The following ANK2 variants were observed in gnomAD, a reference collection of about 807,000 sequenced individuals.
ANK2 encodes ankyrin-2.
Under a neutral mutation model 360.5 loss-of-function variants are expected in ANK2, and 83 were observed. That is an observed-to-expected ratio of 0.23 (90% CI 0.19 to 0.28). The LOEUF is 0.28. ANK2 is among the 10% of genes least tolerant of loss of function. The pLI, the probability that ANK2 is intolerant of heterozygous loss-of-function variation, is 1.00. For missense variants in ANK2, 4,201 were observed against 4,795.7 expected, an observed-to-expected ratio of 0.88 and a Z score of 3.66; for synonymous variants, 1,740 against 1,759.5, an observed-to-expected ratio of 0.99 and a Z score of 0.28.
rs1159230273 is a variant in ANK2, at chr4:113,155,828, A to G, written c.85-18588A>G. ...AAAGTGTGAATAGACAAATCAAAGA[A>G]CAAATGTGGTAGACAATAAATATAT... is the stretch of plus-strand genomic sequence containing the variant. On this transcript the variant is annotated intron_variant, in intron 1 of 45. Transcript: ENST00000357077. Among the ~76,000 whole-genome samples the G allele has an allele frequency of 2.0e-5, 3 of 152,216 alleles. No individual in the cohort carries two copies. In the South Asian group the frequency reaches 6.2e-4, roughly 31 times the overall value.
intron 1 of ANK2, among the ~76,000 whole-genome samples, chr4:113,128,702 G>A (rs953867858): frequency 6.6e-6 from 1 of 152,128 alleles, no homozygotes; most frequent in Non-Finnish European, 1.5e-5. Flanking sequence ...TATTGGCCAG[G>A]CTGGTCTGGA....
intron 1 of ANK2, among the ~76,000 whole-genome samples, chr4:112,863,326 T>C (rs7657978): frequency 0.2 from 29,864 of 151,924 alleles, 3,033 homozygotes; most frequent in Non-Finnish European, 0.22. Flanking sequence ...TTTATTTATC[T>C]TTCAAACATT....
intron 4 of ANK2, among the ~76,000 whole-genome samples, chr4:113,212,423 T>C (rs1462453588): frequency 2.0e-5 from 3 of 152,228 alleles, no homozygotes; most frequent in Non-Finnish European, 4.4e-5. Context: ...CTATGTGTAA[T>C]AATTGGAATC....
At chr4:113,243,722 A>T (rs1158044741) in intron 9 of ANK2, among the ~76,000 whole-genome samples, 1 of 152,186 alleles carries the variant, frequency 6.6e-6, no homozygotes, top group African/African-American at 2.4e-5. Flanking sequence ...TAAAGGAATG[A>T]GTTTTGCACA....
chr4:112,992,148 C>CT (rs767245844), intron 2 of ANK2, among the ~76,000 whole-genome samples: 9,593 of 143,796 alleles, frequency 0.067, 524 homozygotes, highest in African/African-American at 0.15. Flanking sequence ...TCTACTTCTA[C>CT]TTTTTTTTTT....
intron 1 of ANK2, among the ~76,000 whole-genome samples, chr4:112,843,050 T>C (rs544239523): frequency 1.3e-5 from 2 of 152,318 alleles, no homozygotes; most frequent in African/African-American, 4.8e-5. Flanking sequence ...TCTTTGACTC[T>C]CTTTCCTTTC....
At chr4:112,977,153 G>C (rs2041702058) in intron 2 of ANK2, among the ~76,000 whole-genome samples, 2 of 152,216 alleles carry the variant, frequency 1.3e-5, no homozygotes, top group South Asian at 2.1e-4. Flanking sequence ...GAATTAAATT[G>C]TATTCATGTA....
chr4:113,373,570 C>T (rs1292005044), intron 45 of ANK2, 121 bp downstream of exon 45: 2 of 1,069,734 alleles, frequency 1.9e-6, no homozygotes, highest in Non-Finnish European at 2.9e-6. Flanking sequence ...TGGCAGTTTG[C>T]TCTTAGTTGC....
At chr4:112,733,576 A>G in the ANK2 span, among the ~76,000 whole-genome samples, 1 of 152,180 alleles carries the variant, frequency 6.6e-6, no homozygotes, top group Non-Finnish European at 1.5e-5. Context: ...TTCTGCAGAA[A>G]CTGGTTTTTT....
chr4:112,916,881 T>C (rs1428368317), intron 2 of ANK2, among the ~76,000 whole-genome samples: 3 of 152,220 alleles, frequency 2.0e-5, no homozygotes, highest in Non-Finnish European at 4.4e-5. Context: ...TGATAGATAC[T>C]TCAGTGGCAT....
At chr4:113,219,009 G>A (rs1419556991) in intron 4 of ANK2, among the ~76,000 whole-genome samples, 3 of 152,102 alleles carry the variant, frequency 2.0e-5, no homozygotes, top group African/African-American at 7.2e-5. Flanking sequence ...TTTTCTCAAT[G>A]CCATAGGCCT....
Position 113,323,814 on chromosome 4 carries a change from T to G in ANK2, c.2900+5194T>G, listed in dbSNP as rs957249006. The G allele has an allele frequency of 2.5e-6, 4 of 1,606,096 alleles. No individual in the cohort carries two copies. In the African/African-American group the frequency reaches 5.3e-5, roughly 21 times the overall value. On this transcript the variant is annotated intron_variant, in intron 26 of 45. Transcript: ENST00000357077. The stretch of plus-strand genomic sequence containing the variant: ...CAGCAGGTGAACTACTGCATAATTC[T>G]TTCTCTGAACATGTTGCCTATTCCT...
At chr4:113,101,990 A>C (rs1175039270) in intron 1 of ANK2, among the ~76,000 whole-genome samples, 1 of 152,122 alleles carries the variant, frequency 6.6e-6, no homozygotes, top group Non-Finnish European at 1.5e-5. Flanking sequence ...TAGAGAAGCA[A>C]AGAGGGTCCA....
intron 1 of ANK2, among the ~76,000 whole-genome samples, chr4:113,166,831 C>T (rs1316154107): frequency 6.6e-6 from 1 of 152,036 alleles, no homozygotes; most frequent in Admixed American, 6.5e-5. Flanking sequence ...TTGTAGTAAA[C>T]ATGTTGAAGA....
chr4:113,156,480 C>T (rs928687380), intron 1 of ANK2, among the ~76,000 whole-genome samples: 3 of 150,840 alleles, frequency 2.0e-5, no homozygotes, highest in East Asian at 2.0e-4. Flanking sequence ...AAGTGATTCT[C>T]GTGCCTCAGC....
At chr4:113,271,587 A>G (rs1481302044) in intron 14 of ANK2, among the ~76,000 whole-genome samples, 1 of 152,192 alleles carries the variant, frequency 6.6e-6, no homozygotes, top group Non-Finnish European at 1.5e-5. Flanking sequence ...AAATTGTGCC[A>G]AGCTACTACA....
Position 113,204,639 on chromosome 4 carries a change from A to G in ANK2, c.384+5530A>G, listed in dbSNP as rs144786964. On this transcript the variant is annotated intron_variant, in intron 4 of 45. Coordinates refer to ENST00000357077, the MANE Select transcript of ANK2 (RefSeq NM_001148.6). ...GCATAGGTAGGAAAACCAAAGTCTC[A>G]TAACAATTAGTGATGAAGCCACAAA... 2.9e-4 allele frequency among the ~76,000 whole-genome samples: 44 copies of G among 152,342 alleles called. No individual in the cohort carries two copies. In the Middle Eastern group the frequency reaches 0.01, roughly 35 times the overall value.
the ANK2 span, among the ~76,000 whole-genome samples, chr4:112,785,693 G>T: frequency 6.6e-6 from 1 of 150,444 alleles, no homozygotes; most frequent in African/African-American, 2.4e-5. Flanking sequence ...AAAGAGACAG[G>T]ATCTTGCTCT....
the ANK2 span, among the ~76,000 whole-genome samples, chr4:112,743,110 C>T: frequency 6.6e-6 from 1 of 152,162 alleles, no homozygotes; most frequent in South Asian, 2.1e-4. Context: ...AGTGTGTAGT[C>T]AATGACAGAG....
Sources: allele counts gnomAD v4.1 joint callset (sites outside exome capture counted in the v4.1 genomes callset), GRCh38; gene constraint gnomAD v4.1.1; transcripts MANE v1.5; gene names NCBI Gene and HGNC (gene_info 2026-07-23, HGNC 2026-07-21).